DIS3L2: variants seen among roughly 807,000 people sequenced by gnomAD.
DIS3L2 encodes the protein DIS3 like 3'-5' exoribonuclease 2, also known as DIS3-like exonuclease 2.
DIS3L2 carries 34 observed loss-of-function variants against 97.5 expected under a neutral mutation model. The observed-to-expected ratio is 0.35, with a 90% CI of 0.27 to 0.46. The LOEUF (loss-of-function observed/expected upper bound fraction) is 0.46. Ranked by LOEUF, DIS3L2 falls within the 20% of genes least tolerant of loss-of-function variation. The probability of loss-of-function intolerance (pLI) is 1.00; values close to 1 mark genes in which losing one functional copy is unlikely to be tolerated. For missense variants in DIS3L2, 1,038 were observed against 1,146.0 expected (o/e 0.91, Z 1.36); for synonymous variants, 435 against 445.2 (o/e 0.98, Z 0.29).
At chr2:232,208,026 A>G (rs1284218968) in intron 9 of DIS3L2, among the ~76,000 whole-genome samples, 1 of 152,218 alleles carries the variant, frequency 6.6e-6, no homozygotes, top group Non-Finnish European at 1.5e-5. Flanking sequence ...AACCCTATGA[A>G]TATTTAACAT....
In DIS3L2 at chr2:232,125,599, G is replaced by A. The variant is rs184748929; in HGVS notation, c.602-5020G>A. The stretch of plus-strand genomic sequence containing the variant: ...GTAAGTTAAAAGAGGTAATATAGGC[G>A]AGCATGCTGTGAAAATTCTTTGGCA... On this transcript the variant is annotated intron_variant, in intron 6 of 20. Transcript: ENST00000325385. 7.2e-4 allele frequency among the ~76,000 whole-genome samples: 109 copies of A among 152,278 alleles called. No individual in the cohort carries two copies. The South Asian group carries it at 8.7e-3, about 12-fold the overall frequency.
At chr2:232,247,649 G>T (rs1693299547) in intron 11 of DIS3L2, among the ~76,000 whole-genome samples, 1 of 91,216 alleles carries the variant, frequency 1.1e-5, no homozygotes, top group Non-Finnish European at 2.1e-5. Flanking sequence ...GGGGGAGGGT[G>T]CCAATTCAGT....
At chr2:232,010,297 T>C (rs1183072261) in intron 1 of DIS3L2, among the ~76,000 whole-genome samples, 1 of 152,166 alleles carries the variant, frequency 6.6e-6, no homozygotes, top group Non-Finnish European at 1.5e-5. Flanking sequence ...TTCATCTCTG[T>C]GTGTCTCCCT....
intron 9 of DIS3L2, among the ~76,000 whole-genome samples, chr2:232,182,232 G>A (rs3116188): frequency 0.78 from 118,868 of 152,124 alleles, 47,010 homozygotes; most frequent in African/African-American, 0.89. Flanking sequence ...CTACATACTT[G>A]TGAATTTCTC....
At chr2:232,329,789 T>TGGCCCCCCCC in intron 14 of DIS3L2, 24 bp from the exon 15 acceptor site, 1 of 368,622 alleles carries the variant, frequency 2.7e-6, no homozygotes, top group Non-Finnish European at 5.1e-6. Flanking sequence ...CAGCGGTCCC[T>TGGCCCCCCCC]CCCATCCCAC....
At chr2:232,340,099 C>T (rs185967683), downstream of DIS3L2, among the ~76,000 whole-genome samples, 129 of 152,240 alleles carry the variant, frequency 8.5e-4, 3 homozygotes, top group South Asian at 6.8e-3. Flanking sequence ...CAGAGTAGCG[C>T]GCTCCTGCTG....
At chr2:232,207,865 C>G (rs1692073401) in intron 9 of DIS3L2, among the ~76,000 whole-genome samples, 1 of 152,016 alleles carries the variant, frequency 6.6e-6, no homozygotes, top group Admixed American at 6.5e-5. Context: ...CATATCTGAT[C>G]AATTGTTTTT....
At chr2:232,308,420 T>G (rs1418596074) in intron 14 of DIS3L2, among the ~76,000 whole-genome samples, 2 of 152,212 alleles carry the variant, frequency 1.3e-5, no homozygotes, top group African/African-American at 4.8e-5. Flanking sequence ...CAGTTCTTAC[T>G]CTTAGAACAG....
At chr2:232,071,782 C>T (rs1035354232) in intron 5 of DIS3L2, among the ~76,000 whole-genome samples, 1 of 152,166 alleles carries the variant, frequency 6.6e-6, no homozygotes, top group Non-Finnish European at 1.5e-5. Context: ...TCAAGCAGTC[C>T]TCCACCTTGG....
intron 9 of DIS3L2, among the ~76,000 whole-genome samples, chr2:232,208,894 G>A (rs567018425): frequency 1.3e-3 from 195 of 152,094 alleles, no homozygotes; most frequent in Middle Eastern, 3.4e-3. Context: ...CCAGTGTGGT[G>A]GCATGCACCT....
At chr2:232,001,065 A>G (rs1045387225) in intron 1 of DIS3L2, among the ~76,000 whole-genome samples, 7 of 152,192 alleles carry the variant, frequency 4.6e-5, no homozygotes, top group Non-Finnish European at 7.4e-5. Context: ...CTTTGAATAC[A>G]TACCCAGAAG....
At chr2:232,009,194 T>G (rs1694130972) in intron 1 of DIS3L2, among the ~76,000 whole-genome samples, 1 of 152,244 alleles carries the variant, frequency 6.6e-6, no homozygotes, top group South Asian at 2.1e-4. Context: ...ATTGTCTAAC[T>G]TCAAAATCTA....
chr2:232,026,689 G>C (rs1694668348), intron 4 of DIS3L2, among the ~76,000 whole-genome samples: 1 of 152,046 alleles, frequency 6.6e-6, no homozygotes. Context: ...CAGAGCAGAG[G>C]TCCTATGGTT....
chr2:231,976,862 G>A (rs868809547), intron 1 of DIS3L2, among the ~76,000 whole-genome samples: 1 of 150,594 alleles, frequency 6.6e-6, no homozygotes, highest in African/African-American at 2.4e-5. Flanking sequence ...CCGCCTCCCG[G>A]GTTGATGCCA....
chr2:232,312,762 AT>A (rs1695171521), intron 14 of DIS3L2, among the ~76,000 whole-genome samples: 2 of 151,946 alleles, frequency 1.3e-5, no homozygotes, highest in Admixed American at 1.3e-4. Flanking sequence ...AGCTTCTTTA[AT>A]TTTTCTCAAT....
At chr2:232,274,048 T>C (rs1466931034) in intron 13 of DIS3L2, among the ~76,000 whole-genome samples, 1 of 152,210 alleles carries the variant, frequency 6.6e-6, no homozygotes, top group Non-Finnish European at 1.5e-5. Flanking sequence ...AGATAACTTA[T>C]ATCCCGGTTG....
chr2:232,251,945 A>C (rs550517263), intron 12 of DIS3L2, among the ~76,000 whole-genome samples: 1 of 152,320 alleles, frequency 6.6e-6, no homozygotes, highest in Admixed American at 6.5e-5. Context: ...AAAATGAAGG[A>C]GGAGTAAATG....
chr2:232,262,711 G>C (rs910880782), intron 12 of DIS3L2, among the ~76,000 whole-genome samples: 3 of 152,158 alleles, frequency 2.0e-5, no homozygotes, highest in African/African-American at 7.2e-5. Flanking sequence ...AAATGGAAAA[G>C]TCGGAATGGG....
chr2:231,973,071 T>G (rs1692969435), intron 1 of DIS3L2, among the ~76,000 whole-genome samples: 1 of 152,242 alleles, frequency 6.6e-6, no homozygotes, highest in Admixed American at 6.5e-5. Flanking sequence ...TCTTCGGTTT[T>G]CTGGAACAGT....
Sources: allele counts gnomAD v4.1 joint callset (sites outside exome capture counted in the v4.1 genomes callset), GRCh38; gene constraint gnomAD v4.1.1; transcripts MANE v1.5; gene names NCBI Gene and HGNC (gene_info 2026-07-23, HGNC 2026-07-21).